The following KIRREL3 variants were observed in gnomAD, a reference collection of about 807,000 sequenced individuals.
KIRREL3 encodes kirre like nephrin family adhesion molecule 3.
In KIRREL3, 36 loss-of-function variants were observed where a neutral mutation model predicts 89.7. The ratio of observed to expected loss-of-function variants is 0.40; its 90% CI spans 0.31 to 0.53. The LOEUF (loss-of-function observed/expected upper bound fraction) is 0.53. Among genes scored for constraint, KIRREL3 ranks in the 20% least tolerant of loss-of-function variants. The pLI is 0.49. For missense variants in KIRREL3, 864 were observed against 1,056.6 expected, an observed-to-expected ratio of 0.82 and a Z score of 2.53; for synonymous variants, 445 against 441.4, an observed-to-expected ratio of 1.01 and a Z score of -0.10.
intron 1 of KIRREL3, among the ~76,000 whole-genome samples, chr11:126,988,093 C>CT (rs1949920991): frequency 1.3e-5 from 2 of 152,178 alleles, no homozygotes; most frequent in African/African-American, 2.4e-5. Context: ...TCTGGAAAGT[C>CT]TTTTTATGTA....
intron 2 of KIRREL3, among the ~76,000 whole-genome samples, chr11:126,547,580 C>T (rs1460748814): frequency 6.6e-6 from 1 of 152,140 alleles, no homozygotes; most frequent in Non-Finnish European, 1.5e-5. Context: ...CTGAAGCTCC[C>T]CTCCTCAGGC....
rs117794987 is a variant in KIRREL3 at position 126,496,296 on chromosome 11, C to A, written c.434-22830G>T. On this transcript the variant is annotated intron_variant, in intron 4 of 16. Transcript: ENST00000525144. The surrounding 1 kb of genome is among the most constrained non-coding windows in gnomAD (Gnocchi z 4.9). ...TTGCAAAATGCTTTCTATACACGTTCATCTTTCTCTTTACCAGAACCCTGA... is the reference window on the plus strand; with the variant it reads ...TTGCAAAATGCTTTCTATACACGTTAATCTTTCTCTTTACCAGAACCCTGA... 6.6e-6 allele frequency among the ~76,000 whole-genome samples: 1 copy of A among 152,222 alleles called. No individual in the cohort carries two copies. The highest frequency in any genetic ancestry group is 6.5e-5 in the Admixed American group (1 of 15,288).
intron 1 of KIRREL3, among the ~76,000 whole-genome samples, chr11:126,784,297 C>A (rs1041781127): frequency 2.6e-5 from 4 of 152,158 alleles, no homozygotes; most frequent in African/African-American, 9.7e-5. Context: ...AAGATGTTAA[C>A]AATAAAGAAA....
rs977597280 is a variant in KIRREL3 at position 126,477,940 on chromosome 11, C to T, written c.434-4474G>A. ...GGTTCTCATTTGACTCAATGAGCAGCGAGTTCCCCACAATGCTGGCAGAGT... is the reference window on the plus strand; with the variant it reads ...GGTTCTCATTTGACTCAATGAGCAGTGAGTTCCCCACAATGCTGGCAGAGT... On this transcript the variant is annotated intron_variant, in intron 4 of 16. Coordinates refer to ENST00000525144, the MANE Select transcript of KIRREL3 (RefSeq NM_032531.4). The surrounding 1 kb of genome is among the most constrained non-coding windows in gnomAD (Gnocchi z 4.8). Among the ~76,000 whole-genome samples, 4 of 152,212 alleles carry T rather than the reference C, an allele frequency of 2.6e-5. No individual in the cohort carries two copies. Among genetic ancestry groups the T allele is most frequent in the Non-Finnish European group, 5.9e-5 (4 of 68,036 alleles).
intron 4 of KIRREL3, among the ~76,000 whole-genome samples, chr11:126,509,625 A>C (rs1169321916): frequency 6.6e-6 from 1 of 152,228 alleles, no homozygotes; most frequent in Non-Finnish European, 1.5e-5. Flanking sequence ...TTTTGAATTA[A>C]AGTCAACAGC....
At chr11:126,502,728 C>T (rs1459058468) in intron 4 of KIRREL3, among the ~76,000 whole-genome samples, 1 of 152,184 alleles carries the variant, frequency 6.6e-6, no homozygotes, top group African/African-American at 2.4e-5. Context: ...TTCTCTAAGC[C>T]CAGCTTCTGG....
At chr11:126,832,301 T>C (rs528947328) in intron 1 of KIRREL3, among the ~76,000 whole-genome samples, 1 of 152,256 alleles carries the variant, frequency 6.6e-6, no homozygotes, top group African/African-American at 2.4e-5. Context: ...AAGGGGTCAA[T>C]GCATGTTTGC....
rs969986370 is a variant in KIRREL3 at position 126,970,784 on chromosome 11, G to A, written c.55+29671C>T. On this transcript the variant is annotated intron_variant, in intron 1 of 16. Transcript: ENST00000525144. The surrounding 1 kb of genome is among the most constrained non-coding windows in gnomAD (Gnocchi z 4.4). ...ATTTAATTTAGAACATTGCTTCCAT[G>A]AGAACAAGGTTTTCCTAGTTTCAAA... is the stretch of plus-strand genomic sequence containing the variant. Among the ~76,000 whole-genome samples the A allele has an allele frequency of 1.6e-4, 24 of 152,126 alleles. No individual in the cohort carries two copies. The highest frequency in any genetic ancestry group is 5.6e-4 in the African/African-American group (23 of 41,412).
rs1279028956 is a variant in KIRREL3 at position 126,451,400 on chromosome 11, A to G, written c.849-2243T>C. The stretch of plus-strand genomic sequence containing the variant: ...AGCGTGTGCATGTGTGAACGTGTGC[A>G]TGTGTGCATGTGTGTGCATGTGTGA... On this transcript the variant is annotated intron_variant, in intron 7 of 16. Transcript: ENST00000525144. Among the ~76,000 whole-genome samples the G allele has an allele frequency of 1.2e-4, 9 of 73,080 alleles. No homozygotes were observed. The East Asian group carries it at 1.9e-3, about 15-fold the overall frequency. 47.9% of individuals were successfully genotyped at this position (73,080 alleles called of 152,430 possible). A position where few individuals can be genotyped will look rare whatever the true frequency, so the allele number is the denominator to read the frequency against.
Position 126,544,161 on chromosome 11 carries a change from C to T in KIRREL3, c.134-17474G>A, listed in dbSNP as rs557055230. On this transcript the variant is annotated intron_variant, in intron 2 of 16. Transcript: ENST00000525144. The surrounding 1 kb of genome is among the most constrained non-coding windows in gnomAD (Gnocchi z 5.6). The stretch of plus-strand genomic sequence containing the variant: ...AGAGAAGAGAGCAGCTTTCAACCCC[C>T]CTCTCCTAAACGCAACGATATTTGG... The T allele has an allele frequency of 6.6e-6, 1 of 152,226 alleles. No individual in the cohort carries two copies. The allele number at this position is 152,226 out of a possible 1,614,324, so 9.4% of individuals were successfully genotyped here.
Position 126,999,684 on chromosome 11 carries a change from T to G in KIRREL3, c.55+771A>C, listed in dbSNP as rs1293410484. The stretch of plus-strand genomic sequence containing the variant: ...TCCCTCTCCCGAATTTCCCTCTCCT[T>G]TCTGCACCACTACCAGCCCCAGGGC... On this transcript the variant is annotated intron_variant, in intron 1 of 16. Transcript: ENST00000525144. The surrounding 1 kb of genome is among the most constrained non-coding windows in gnomAD (Gnocchi z 5.7). Among the ~76,000 whole-genome samples, 1 of 152,204 alleles carries G rather than the reference T, an allele frequency of 6.6e-6. No homozygotes were observed. The highest frequency in any genetic ancestry group is 1.5e-5 in the Non-Finnish European group (1 of 68,032).
At chr11:126,543,712 C>T (rs1021637572) in intron 2 of KIRREL3, among the ~76,000 whole-genome samples, 1 of 152,200 alleles carries the variant, frequency 6.6e-6, no homozygotes, top group Non-Finnish European at 1.5e-5. Flanking sequence ...TCCCATGGTG[C>T]CCTTGGGGCT....
At position 126,954,632 on chromosome 11, in the gene KIRREL3, T is replaced by G. The variant is rs530088261; in HGVS notation, c.55+45823A>C. 6.6e-6 allele frequency among the ~76,000 whole-genome samples: 1 copy of G among 152,174 alleles called. No individual in the cohort carries two copies. Among genetic ancestry groups the G allele is most frequent in the South Asian group, 2.1e-4 (1 of 4,818 alleles). ...ATCTTCCCAAACCCTACAAGATGGC[T>G]TGATTCACAACACTATATTTCAACC... On this transcript the variant is annotated intron_variant, in intron 1 of 16. Transcript: ENST00000525144. The surrounding 1 kb of genome is among the most constrained non-coding windows in gnomAD (Gnocchi z 4.1).
chr11:126,979,423 C>T (rs1454771495), intron 1 of KIRREL3, among the ~76,000 whole-genome samples: 1 of 152,194 alleles, frequency 6.6e-6, no homozygotes, highest in East Asian at 1.9e-4. Flanking sequence ...CAACTTACAA[C>T]ATCCCTATAA....
intron 1 of KIRREL3, among the ~76,000 whole-genome samples, chr11:126,949,447 G>C (rs1591371004): frequency 6.6e-6 from 1 of 152,292 alleles, no homozygotes; most frequent in East Asian, 1.9e-4. Flanking sequence ...ATAGGCTTCT[G>C]GAACACAGAG....
chr11:126,534,580 G>A (rs776026641), intron 2 of KIRREL3, among the ~76,000 whole-genome samples: 2 of 152,184 alleles, frequency 1.3e-5, no homozygotes, highest in African/African-American at 2.4e-5. Context: ...TGGGATGCTT[G>A]CCCCCAGCCT....
In KIRREL3 at chr11:126,771,922, C is replaced by T. The variant is rs567774273; in HGVS notation, c.56-209010G>A. 6.6e-6 allele frequency among the ~76,000 whole-genome samples: 1 copy of T among 152,332 alleles called. No individual in the cohort carries two copies. The highest frequency in any genetic ancestry group is 1.9e-4 in the East Asian group (1 of 5,184). On this transcript the variant is annotated intron_variant, in intron 1 of 16. Transcript: ENST00000525144. The surrounding 1 kb of genome is among the most constrained non-coding windows in gnomAD (Gnocchi z 4.4). ...AGCATGCAGCAATAGAAGACGACGTCCTCTTGCCTTGGCTAGATCCTAATG... is the reference window on the plus strand; with the variant it reads ...AGCATGCAGCAATAGAAGACGACGTTCTCTTGCCTTGGCTAGATCCTAATG...
At chr11:126,984,842 G>A (rs1949817224) in intron 1 of KIRREL3, among the ~76,000 whole-genome samples, 1 of 152,194 alleles carries the variant, frequency 6.6e-6, no homozygotes, top group South Asian at 2.1e-4. Context: ...TTCGGGGGCA[G>A]GAACCCAGGG....
intron 1 of KIRREL3, among the ~76,000 whole-genome samples, chr11:126,665,919 G>A (rs958646283): frequency 1.3e-5 from 2 of 152,222 alleles, no homozygotes; most frequent in East Asian, 3.8e-4. Context: ...ATCACCTTGT[G>A]CCATTGTGAG....
Sources: gnomAD v4.1 joint callset for allele counts (sites outside exome capture counted in the v4.1 genomes callset) on GRCh38, gnomAD v4.1.1 for gene constraint, Gnocchi (gnomAD v3.1) non-coding constraint, MANE v1.5 for transcripts, NCBI Gene and HGNC (gene_info 2026-07-23, HGNC 2026-07-21) for gene names.